PPP1R12A: variants seen among roughly 807,000 people sequenced by gnomAD.
PPP1R12A encodes the protein myosin binding subunit.
PPP1R12A carries 19 observed loss-of-function variants against 139.6 expected under a neutral mutation model. The observed-to-expected ratio is 0.14, with a 90% CI of 0.09 to 0.20. PPP1R12A has a LOEUF of 0.20. Ranked by LOEUF, PPP1R12A falls within the 10% of genes least tolerant of loss-of-function variation. The pLI is 1.00. For missense variants in PPP1R12A, 925 were observed against 1,211.5 expected, an observed-to-expected ratio of 0.76 and a Z score of 3.51; for synonymous variants, 427 against 420.6, an observed-to-expected ratio of 1.02 and a Z score of -0.19.
At chr12:79,806,950 G>C (rs994762850) in intron 12 of PPP1R12A, 1 of 242,424 alleles carries the variant, frequency 4.1e-6, no homozygotes, top group African/African-American at 2.3e-5. Context: ...AGTTGTTCTA[G>C]TCAAGGAGTT....
intron 13 of PPP1R12A, 118 bp from the exon 14 acceptor site, chr12:79,805,886 G>T: frequency 8.9e-7 from 1 of 1,127,942 alleles, no homozygotes; most frequent in South Asian, 1.7e-5. Flanking sequence ...AAAACGCAAG[G>T]TGAGACATCC....
chr12:79,893,791 G>A lies in PPP1R12A; in HGVS notation c.238-20853C>T, dbSNP rs1445232084. Among the ~76,000 whole-genome samples, 8 of 152,150 alleles carry A rather than the reference G, an allele frequency of 5.3e-5. No individual in the cohort carries two copies. The South Asian group carries it at 1.5e-3, about 28-fold the overall frequency. On this transcript the variant is annotated intron_variant, in intron 1 of 24. Transcript: ENST00000450142. ...TTCTACAGACTATTAAACCATCTTG[G>A]AGTTAAATGTATAAATAAGTGATAC... is the stretch of plus-strand genomic sequence containing the variant.
chr12:79,811,386 C>G (rs1017211377), intron 9 of PPP1R12A, among the ~76,000 whole-genome samples: 10 of 152,276 alleles, frequency 6.6e-5, no homozygotes, highest in African/African-American at 2.2e-4. Flanking sequence ...CACGGGGGCT[C>G]TGTAGAATAT....
chr12:79,841,126 C>T (rs1047943279), intron 3 of PPP1R12A, among the ~76,000 whole-genome samples: 1 of 151,120 alleles, frequency 6.6e-6, no homozygotes, highest in Non-Finnish European at 1.5e-5. Flanking sequence ...TGCAGTGATA[C>T]AATCGTAGCT....
chr12:79,790,504 A>G, intron 19 of PPP1R12A, 21 bp from the exon 20 acceptor site: 2 of 1,379,076 alleles, frequency 1.5e-6, no homozygotes, highest in Non-Finnish European at 2.0e-6. Context: ...AGAGAAAAAC[A>G]TAGGCATACT....
intron 1 of PPP1R12A, among the ~76,000 whole-genome samples, chr12:79,919,108 T>C (rs901148833): frequency 1.4e-5 from 2 of 147,244 alleles, no homozygotes; most frequent in Non-Finnish European, 3.0e-5. Flanking sequence ...ACTCTTGTCT[T>C]AAAAAAAAAA....
intron 3 of PPP1R12A, among the ~76,000 whole-genome samples, chr12:79,833,476 A>G (rs1376346738): frequency 6.6e-6 from 1 of 152,084 alleles, no homozygotes; most frequent in Non-Finnish European, 1.5e-5. Flanking sequence ...CCACAAGTCT[A>G]TAGGCCTTTT....
At chr12:79,855,179 G>A (rs1175178246) in intron 2 of PPP1R12A, among the ~76,000 whole-genome samples, 1 of 151,838 alleles carries the variant, frequency 6.6e-6, no homozygotes, top group Admixed American at 6.6e-5. Context: ...TAGTAAAGAC[G>A]GGGTTTCACC....
rs370707044 is a variant in PPP1R12A, at chr12:79,784,162, C to CA, written c.2907+2211dup. Among the ~76,000 whole-genome samples the CA allele has an allele frequency of 6.1e-4, 88 of 143,782 alleles. No homozygotes were observed. In the South Asian group the frequency reaches 9.0e-3, roughly 15 times the overall value. The allele number at this position is 143,782 out of a possible 152,430, so 94.3% of individuals were successfully genotyped here. On this transcript the variant is annotated intron_variant, in intron 22 of 24. Transcript: ENST00000450142. The stretch of plus-strand genomic sequence containing the variant: ...GAATAGTTATGAAGTCAATCAATGC[C>CA]AAAAAAAAAAGGTGGAAAAGTTCAC...
chr12:79,800,455 A>T (rs948463276), intron 14 of PPP1R12A, among the ~76,000 whole-genome samples: 8 of 152,198 alleles, frequency 5.3e-5, no homozygotes, highest in African/African-American at 1.9e-4. Flanking sequence ...AATACAGTAC[A>T]TAATATATGT....
chr12:79,934,343 C>G (rs1407181371), intron 1 of PPP1R12A, among the ~76,000 whole-genome samples: 1 of 152,150 alleles, frequency 6.6e-6, no homozygotes, highest in Non-Finnish European at 1.5e-5. Context: ...ACCACTGACA[C>G]CGGGGCCCAG....
intron 2 of PPP1R12A, among the ~76,000 whole-genome samples, chr12:79,868,672 A>G (rs150049595): frequency 1.3e-5 from 2 of 152,282 alleles, no homozygotes; most frequent in African/African-American, 4.8e-5. Context: ...TAAGAAAACC[A>G]GCCAGACTGG....
chr12:79,915,006 ATGGG>A (rs1461127893), intron 1 of PPP1R12A, among the ~76,000 whole-genome samples: 2 of 152,092 alleles, frequency 1.3e-5, no homozygotes, highest in Admixed American at 6.5e-5. Flanking sequence ...GCCGGTTCCA[ATGGG>A]CTTTTCTTAC....
rs1343264588 is a variant in PPP1R12A, at chr12:79,828,261, T to G, written c.792+59A>C. The G allele has an allele frequency of 2.1e-6, 3 of 1,416,972 alleles. No individual in the cohort carries two copies. The African/African-American group carries it at 4.3e-5, about 20-fold the overall frequency. The allele number at this position is 1,416,972 out of a possible 1,614,324, so 87.8% of individuals were successfully genotyped here. A position where few individuals can be genotyped will look rare whatever the true frequency, so the allele number is the denominator to read the frequency against. ...CCTTTTGAGACTATATTTCTAAATA[T>G]ACTTTCTAAAACTATATTTCTAAAA... On this transcript the variant is annotated intron_variant, in intron 5 of 24. Transcript: ENST00000450142.
At chr12:79,860,654 T>C (rs1350482362) in intron 2 of PPP1R12A, among the ~76,000 whole-genome samples, 2 of 152,226 alleles carry the variant, frequency 1.3e-5, no homozygotes, top group Non-Finnish European at 2.9e-5. Context: ...GGATGAAATA[T>C]GGTGGTAGAG....
At chr12:79,903,220 A>G (rs1885800738) in intron 1 of PPP1R12A, among the ~76,000 whole-genome samples, 1 of 152,154 alleles carries the variant, frequency 6.6e-6, no homozygotes, top group African/African-American at 2.4e-5. Context: ...TGGGAGGCCG[A>G]GGCGGGTGGA....
chr12:79,809,310 T>C (rs1874239005), intron 10 of PPP1R12A, among the ~76,000 whole-genome samples: 2 of 152,134 alleles, frequency 1.3e-5, no homozygotes, highest in South Asian at 4.1e-4. Flanking sequence ...ACATCCTATA[T>C]AATGCAGTAT....
In PPP1R12A at chr12:79,842,465, A is replaced by G. The variant is rs549681498; in HGVS notation, c.487+2837T>C. On this transcript the variant is annotated intron_variant, in intron 3 of 24. Transcript: ENST00000450142. ...ATTTCAGCAGGAGTTGGCCCTCTAC[A>G]TCAATATTTCATACCATTCCTCTAT... Among the ~76,000 whole-genome samples, 265 of 152,248 alleles carry G rather than the reference A, an allele frequency of 1.7e-3. 1 individual carries two copies. The highest frequency in any genetic ancestry group is 2.5e-3 in the Non-Finnish European group (170 of 68,018).
chr12:79,859,276 G>C (rs375875019), intron 2 of PPP1R12A, among the ~76,000 whole-genome samples: 15 of 150,696 alleles, frequency 1.0e-4, no homozygotes, highest in African/African-American at 3.7e-4. Context: ...GGTGGAGCCT[G>C]CAGTGAGCCG....
Sources: allele counts gnomAD v4.1 joint callset (sites outside exome capture counted in the v4.1 genomes callset), GRCh38; gene constraint gnomAD v4.1.1; transcripts MANE v1.5; gene names NCBI Gene and HGNC (gene_info 2026-07-23, HGNC 2026-07-21).